Variants in LARGE1 observed in about 807,000 individuals in gnomAD.
The protein encoded by LARGE1 is xylosyl- and glucuronyltransferase LARGE1.
In LARGE1, 43 loss-of-function variants were observed where a neutral mutation model predicts 87.6. The ratio of observed to expected loss-of-function variants is 0.49; its 90% CI spans 0.38 to 0.63. The LOEUF is 0.63. Among genes scored for constraint, LARGE1 ranks in the 30% least tolerant of loss-of-function variants. The pLI is 0.00. For missense variants in LARGE1, 802 were observed against 1,000.2 expected, an observed-to-expected ratio of 0.80 and a Z score of 2.67; for synonymous variants, 434 against 394.6, an observed-to-expected ratio of 1.10 and a Z score of -1.18.
At chr22:33,802,035 G>GA (rs55853555) in intron 1 of LARGE1, among the ~76,000 whole-genome samples, 28,640 of 144,164 alleles carry the variant, frequency 0.2, 3,229 homozygotes, top group Admixed American at 0.34. Flanking sequence ...TAACTCTGGA[G>GA]AAAAAAAAAA....
intron 9 of LARGE1, among the ~76,000 whole-genome samples, chr22:33,358,499 T>A (rs2064262084): frequency 6.6e-6 from 1 of 152,192 alleles, no homozygotes; most frequent in African/African-American, 2.4e-5. Context: ...TATTATAAAA[T>A]GTTTCAATGC....
chr22:33,160,799 A>G (rs1921997938), downstream of LARGE1, among the ~76,000 whole-genome samples: 1 of 152,256 alleles, frequency 6.6e-6, no homozygotes, highest in Non-Finnish European at 1.5e-5. Context: ...CAGCTGGCTG[A>G]CAAGGAGTGT....
intron 10 of LARGE1, among the ~76,000 whole-genome samples, chr22:33,334,062 G>A (rs1938094566): frequency 6.6e-6 from 1 of 151,888 alleles, no homozygotes. Context: ...GGGAGAGGTT[G>A]CCATGAGCCG....
At position 33,869,466 on chromosome 22, in the gene LARGE1, C is replaced by G. The variant is rs137945750; in HGVS notation, c.-83+50529G>C. Among the ~76,000 whole-genome samples the G allele has an allele frequency of 2.6e-4, 39 of 152,360 alleles. 1 individual carries two copies. Among genetic ancestry groups the G allele is most frequent in the African/African-American group, 8.9e-4 (37 of 41,590 alleles). ...CAGGGGTCTGAAAAATCGAAGCCTC[C>G]TCACATCTGGATGCGCCTCTGGCTT... On this transcript the variant is annotated intron_variant, in intron 1 of 14. Coordinates refer to ENST00000397394, the MANE Select transcript of LARGE1 (RefSeq NM_133642.5).
chr22:33,156,128 C>T, the LARGE1 span, among the ~76,000 whole-genome samples: 1 of 152,192 alleles, frequency 6.6e-6, no homozygotes, highest in Non-Finnish European at 1.5e-5. Flanking sequence ...TGGAGAACCT[C>T]TGCTAGGGCA....
At chr22:33,087,795 C>T in the LARGE1 span, among the ~76,000 whole-genome samples, 1 of 151,962 alleles carries the variant, frequency 6.6e-6, no homozygotes, top group Non-Finnish European at 1.5e-5. Context: ...ATTAGCTGGG[C>T]TTGGTGGCAC....
At chr22:33,299,788 C>T (rs561911329) in intron 12 of LARGE1, among the ~76,000 whole-genome samples, 15 of 152,322 alleles carry the variant, frequency 9.8e-5, no homozygotes, top group African/African-American at 3.4e-4. Context: ...GGCAAGTCTG[C>T]GCAACCTCTG....
chr22:33,293,260 A>G (rs76176324), intron 12 of LARGE1, among the ~76,000 whole-genome samples: 3,154 of 152,338 alleles, frequency 0.021, 77 homozygotes, highest in African/African-American at 0.057. Flanking sequence ...AAATTATAAT[A>G]AATGCTTACA....
intron 11 of LARGE1, among the ~76,000 whole-genome samples, chr22:33,253,245 T>C (rs554190826): frequency 6.6e-6 from 1 of 152,290 alleles, no homozygotes; most frequent in Non-Finnish European, 1.5e-5. Flanking sequence ...AACATAAAGT[T>C]CTTAGAACAA....
intron 2 of LARGE1, among the ~76,000 whole-genome samples, chr22:33,690,555 CT>C (rs1463161190): frequency 6.6e-6 from 1 of 151,508 alleles, no homozygotes; most frequent in East Asian, 1.9e-4. Context: ...TACTAGAGAC[CT>C]GGGGAAAAAG....
intron 6 of LARGE1, among the ~76,000 whole-genome samples, chr22:33,514,451 A>T (rs963990444): frequency 6.6e-6 from 1 of 152,240 alleles, no homozygotes; most frequent in African/African-American, 2.4e-5. Context: ...GATCAAAAAT[A>T]TTCTAAGAAA....
intron 1 of LARGE1, among the ~76,000 whole-genome samples, chr22:33,850,990 T>C (rs1268628498): frequency 6.6e-6 from 1 of 152,114 alleles, no homozygotes; most frequent in Non-Finnish European, 1.5e-5. Flanking sequence ...TTTCTAAAGT[T>C]TGGGTGGTGG....
At chr22:33,120,663 C>T in the LARGE1 span, among the ~76,000 whole-genome samples, 1 of 151,864 alleles carries the variant, frequency 6.6e-6, no homozygotes, top group South Asian at 2.1e-4. Context: ...ATTACAGGCT[C>T]CTGCCACCAC....
At chr22:33,494,311 G>T (rs561600767) in intron 6 of LARGE1, among the ~76,000 whole-genome samples, 1 of 152,340 alleles carries the variant, frequency 6.6e-6, no homozygotes, top group East Asian at 1.9e-4. Context: ...GAGATGGCTT[G>T]TGTGTGCTGT....
chr22:33,884,302 A>G (rs759865708), intron 1 of LARGE1, among the ~76,000 whole-genome samples: 2 of 152,196 alleles, frequency 1.3e-5, no homozygotes, highest in African/African-American at 4.8e-5. Flanking sequence ...ATGCGCTTGC[A>G]GGGAACATTA....
downstream of LARGE1, among the ~76,000 whole-genome samples, chr22:33,158,497 A>G: frequency 6.6e-6 from 1 of 152,338 alleles, no homozygotes; most frequent in African/African-American, 2.4e-5. Context: ...ATATTATAAC[A>G]TCTTCCCTCT....
At chr22:33,378,548 C>T (rs980334935) in intron 9 of LARGE1, among the ~76,000 whole-genome samples, 5 of 152,108 alleles carry the variant, frequency 3.3e-5, no homozygotes, top group African/African-American at 1.2e-4. Flanking sequence ...CCTCTGTATC[C>T]CATGATAGCA....
intron 11 of LARGE1, among the ~76,000 whole-genome samples, chr22:33,212,208 GGCTTCAAA>G (rs1260437622): frequency 6.6e-6 from 1 of 152,040 alleles, no homozygotes; most frequent in African/African-American, 2.4e-5. Flanking sequence ...GTCAATGCCT[GGCTTCAAA>G]GCTTCAAAGG....
intron 2 of LARGE1, among the ~76,000 whole-genome samples, chr22:33,742,897 C>T (rs1274743972): frequency 6.6e-6 from 1 of 152,008 alleles, no homozygotes; most frequent in Non-Finnish European, 1.5e-5. Context: ...GTATCTTTGT[C>T]CCCTCCAAAT....
Sources: allele counts gnomAD v4.1 joint callset (sites outside exome capture counted in the v4.1 genomes callset), GRCh38; gene constraint gnomAD v4.1.1; transcripts MANE v1.5; gene names NCBI Gene and HGNC (gene_info 2026-07-23, HGNC 2026-07-21).